HTRA1: variants seen among roughly 807,000 people sequenced by gnomAD.
HTRA1 encodes the protein serine protease HTRA1.
In HTRA1, 26 loss-of-function variants were observed where a neutral mutation model predicts 49.7. The ratio of observed to expected loss-of-function variants is 0.52; its 90% CI spans 0.38 to 0.73. The LOEUF (loss-of-function observed/expected upper bound fraction) is 0.73. Ranked by LOEUF, HTRA1 falls within the 30% of genes least tolerant of loss-of-function variation. HTRA1 has a pLI of 0.00. For synonymous variants in HTRA1, 291 were observed against 286.9 expected (o/e 1.01, Z -0.14); for missense variants, 561 against 667.2 (o/e 0.84, Z 1.75).
Position 122,489,467 on chromosome 10 carries a change from G to T in HTRA1, c.618G>T (p.Gly206=). 6.2e-7 allele frequency: 1 copy of T among 1,614,180 alleles called. No homozygotes were observed. Among genetic ancestry groups the T allele is most frequent in the African/African-American group, 1.3e-5 (1 of 75,036 alleles). ...AGGTGCCGGTGGCTAGTGGGTCTGG[G>T]TTTATTGTGTCGGAAGATGGACTGA... The part of the protein sequence containing the change: ...KREVPVASGS[G]FIVSEDGLIV... The change falls in exon 3 of 9, where the codon GGG becomes GGT. Residue 206 remains glycine (G), a synonymous_variant. Coordinates refer to ENST00000368984, the MANE Select transcript of HTRA1 (RefSeq NM_002775.5).
intron 6 of HTRA1, among the ~76,000 whole-genome samples, chr10:122,509,574 T>TCACAGCAGGCC (rs1393641873): frequency 6.6e-6 from 1 of 152,190 alleles, no homozygotes; most frequent in Non-Finnish European, 1.5e-5. Context: ...GCGAGCAGGC[T>TCACAGCAGGCC]CACAGCAGGC....
At chr10:122,477,632 T>C (rs1333142320) in intron 1 of HTRA1, among the ~76,000 whole-genome samples, 3 of 152,210 alleles carry the variant, frequency 2.0e-5, no homozygotes, top group African/African-American at 7.2e-5. Flanking sequence ...GACTGGTGTC[T>C]AGCAGCCCTG....
At chr10:122,507,430 C>G in intron 5 of HTRA1, 28 bp downstream of exon 5, 4 of 1,569,820 alleles carry the variant, frequency 2.5e-6, no homozygotes, top group Non-Finnish European at 8.8e-7. Context: ...TATGTTAGGT[C>G]ATTTGTTTTT....
rs1189143312 is a variant in HTRA1 at position 122,494,274 on chromosome 10, T to C, written c.777+4648T>C. Among the ~76,000 whole-genome samples the C allele has an allele frequency of 1.3e-5, 2 of 152,280 alleles. No individual in the cohort carries two copies. Among genetic ancestry groups the C allele is most frequent in the Admixed American group, 1.3e-4 (2 of 15,312 alleles). On this transcript the variant is annotated intron_variant, in intron 3 of 8. Coordinates refer to ENST00000368984, the MANE Select transcript of HTRA1 (RefSeq NM_002775.5). The surrounding 1 kb of genome is among the most constrained non-coding windows in gnomAD (Gnocchi z 4.0). Reference sequence around the variant, plus strand: ...TCAGGTAGGAGGTGCTTGGCAACCTTGTTCAGAGTAGGACGTTCACAGCTG... The same window carrying C: ...TCAGGTAGGAGGTGCTTGGCAACCTCGTTCAGAGTAGGACGTTCACAGCTG...
chr10:122,502,309 G>A (rs1348959160), intron 3 of HTRA1, among the ~76,000 whole-genome samples: 1 of 152,202 alleles, frequency 6.6e-6, no homozygotes, highest in African/African-American at 2.4e-5. Context: ...GCTTGTTGTT[G>A]TCTGTTGGTT....
intron 5 of HTRA1, among the ~76,000 whole-genome samples, 191 bp downstream of exon 5, chr10:122,507,593 A>T (rs1303879989): frequency 6.6e-6 from 1 of 152,118 alleles, no homozygotes; most frequent in Non-Finnish European, 1.5e-5. Flanking sequence ...GACCCTACGG[A>T]TCTTTTCTGG....
At chr10:122,470,033 G>A (rs903388045) in intron 1 of HTRA1, among the ~76,000 whole-genome samples, 3 of 152,112 alleles carry the variant, frequency 2.0e-5, no homozygotes, top group Non-Finnish European at 2.9e-5. Context: ...GTGCTTGAGA[G>A]GAATGTGTGT....
chr10:122,473,337 C>T (rs1315908937), intron 1 of HTRA1, among the ~76,000 whole-genome samples: 1 of 152,134 alleles, frequency 6.6e-6, no homozygotes, highest in African/African-American at 2.4e-5. Flanking sequence ...ACAGAGAACC[C>T]AGGTCTCAGG....
chr10:122,488,609 T>C (rs1003634650), intron 1 of HTRA1, among the ~76,000 whole-genome samples: 1 of 152,202 alleles, frequency 6.6e-6, no homozygotes, highest in Admixed American at 6.5e-5. Context: ...CATCAGCTTC[T>C]TGGAAAGGCT....
At chr10:122,504,835 T>C (rs1394791885) in intron 3 of HTRA1, among the ~76,000 whole-genome samples, 2 of 151,958 alleles carry the variant, frequency 1.3e-5, no homozygotes, top group Non-Finnish European at 2.9e-5. Context: ...GTGTGGGAAG[T>C]GAGCATGGGG....
rs982475818 is a variant in HTRA1 at position 122,511,958 on chromosome 10, T to C, written c.1179-12T>C. The C allele has an allele frequency of 1.2e-6, 2 of 1,611,176 alleles. No individual in the cohort carries two copies. Among genetic ancestry groups the C allele is most frequent in the Non-Finnish European group, 1.7e-6 (2 of 1,177,600 alleles). ...TCTTCACACTAACACGGGTGCTTTT[T>C]CTCTGGAGCAGCAAAGCCAAAGAGC... On this transcript the variant is annotated splice_polypyrimidine_tract_variant and intron_variant, in intron 7 of 8. Coordinates refer to ENST00000368984, the MANE Select transcript of HTRA1 (RefSeq NM_002775.5).
intron 3 of HTRA1, among the ~76,000 whole-genome samples, chr10:122,495,515 T>C (rs1442447630): frequency 6.6e-6 from 1 of 152,172 alleles, no homozygotes; most frequent in African/African-American, 2.4e-5. Context: ...CCTAAGCTCT[T>C]GATTGCAGCT....
intron 1 of HTRA1, among the ~76,000 whole-genome samples, chr10:122,478,078 T>C (rs562932572): frequency 6.6e-6 from 1 of 152,330 alleles, no homozygotes; most frequent in South Asian, 2.1e-4. Flanking sequence ...ATCTCATCCT[T>C]AACCCTGAAT....
At position 122,496,225 on chromosome 10, in the gene HTRA1, G is replaced by GTTTTGTTT. The variant is rs1287521208; in HGVS notation, c.777+6601_777+6602insTTGTTTTT. On this transcript the variant is annotated intron_variant, in intron 3 of 8. Transcript: ENST00000368984. ...CCCTTTCGTTTGCCAGAGATTGTGGGTTCTTTTTTTTTTTTTTTTTTTTTT... is the reference window on the plus strand; with the variant it reads ...CCCTTTCGTTTGCCAGAGATTGTGGGTTTTGTTTTTCTTTTTTTTTTTTTTTTTTTTTT... Among the ~76,000 whole-genome samples, 7 of 80,384 alleles carry GTTTTGTTT rather than the reference G, an allele frequency of 8.7e-5. 1 individual carries two copies. The highest frequency in any genetic ancestry group is 3.6e-4 in the African/African-American group (7 of 19,640). The allele number at this position is 80,384 out of a possible 152,430, so 52.7% of individuals were successfully genotyped here. A position where few individuals can be genotyped will look rare whatever the true frequency, so the allele number is the denominator to read the frequency against.
chr10:122,498,144 T>G (rs2097499504), intron 3 of HTRA1, among the ~76,000 whole-genome samples: 1 of 151,986 alleles, frequency 6.6e-6, no homozygotes, highest in Admixed American at 6.5e-5. Context: ...TGCTCTCTCT[T>G]TCTCTGTTTT....
At chr10:122,467,712 G>T (rs1472928928) in intron 1 of HTRA1, among the ~76,000 whole-genome samples, 1 of 151,904 alleles carries the variant, frequency 6.6e-6, no homozygotes, top group African/African-American at 2.4e-5. Flanking sequence ...AGGCCTTTGG[G>T]TCATCTGAAG....
chr10:122,505,428 T>C, intron 3 of HTRA1, among the ~76,000 whole-genome samples: 1 of 152,176 alleles, frequency 6.6e-6, no homozygotes, highest in African/African-American at 2.4e-5. Context: ...TGGTGTGGCG[T>C]GGCACTGTGT....
At chr10:122,470,783 C>T (rs1006133970) in intron 1 of HTRA1, among the ~76,000 whole-genome samples, 2 of 152,012 alleles carry the variant, frequency 1.3e-5, no homozygotes, top group Admixed American at 6.5e-5. Flanking sequence ...CAGACTCTTC[C>T]AGGACTCCTG....
Position 122,490,956 on chromosome 10 carries a change from A to G in HTRA1, c.777+1330A>G, listed in dbSNP as rs968982058. ...CTTCTCTATGGCTGGGTGGCCAGGC[A>G]TGGCCGAAGAGGCTCTGGGTAGATA... On this transcript the variant is annotated intron_variant, in intron 3 of 8. Coordinates refer to ENST00000368984, the MANE Select transcript of HTRA1 (RefSeq NM_002775.5). This position sits in a 1 kb window ranked among gnomAD's most constrained non-coding sequence, Gnocchi z 4.2. Among the ~76,000 whole-genome samples the G allele has an allele frequency of 3.3e-5, 5 of 152,160 alleles. No individual in the cohort carries two copies. Among genetic ancestry groups the G allele is most frequent in the Non-Finnish European group, 7.3e-5 (5 of 68,042 alleles).
Sources: gnomAD v4.1 joint callset for allele counts (sites outside exome capture counted in the v4.1 genomes callset) on GRCh38, gnomAD v4.1.1 for gene constraint, Gnocchi (gnomAD v3.1) non-coding constraint, MANE v1.5 for transcripts, NCBI Gene and HGNC (gene_info 2026-07-23, HGNC 2026-07-21) for gene names.